SSH2: variants seen among roughly 807,000 people sequenced by gnomAD.
SSH2 encodes the protein protein phosphatase Slingshot homolog 2.
In SSH2, 37 loss-of-function variants were observed where a neutral mutation model predicts 135.2. That is an observed-to-expected ratio of 0.27 (90% CI 0.21 to 0.36). SSH2 has a LOEUF of 0.36. SSH2 is among the 10% of genes least tolerant of loss of function. SSH2 has a pLI of 1.00. For synonymous variants in SSH2, 628 were observed against 646.2 expected, an observed-to-expected ratio of 0.97 and a Z score of 0.43; for missense variants, 1,408 against 1,765.3, an observed-to-expected ratio of 0.80 and a Z score of 3.63.
chr17:29,816,728 C>T (rs151304382), intron 2 of SSH2, among the ~76,000 whole-genome samples: 8 of 151,546 alleles, frequency 5.3e-5, no homozygotes, highest in African/African-American at 1.9e-4. Context: ...AGCCTCCATG[C>T]TTAATTTACG....
chr17:29,781,532 T>G (rs186867142), intron 3 of SSH2, among the ~76,000 whole-genome samples: 30 of 138,500 alleles, frequency 2.2e-4, no homozygotes. Flanking sequence ...CGGGCTAGAG[T>G]GCAATGGCGC....
chr17:29,662,364 A>G (rs2037084551), intron 11 of SSH2, among the ~76,000 whole-genome samples: 1 of 152,236 alleles, frequency 6.6e-6, no homozygotes, highest in African/African-American at 2.4e-5. Flanking sequence ...ATATAACTTG[A>G]CATAATATCC....
At chr17:29,903,855 G>A (rs769728748) in intron 1 of SSH2, among the ~76,000 whole-genome samples, 9 of 152,224 alleles carry the variant, frequency 5.9e-5, no homozygotes, top group Middle Eastern at 3.4e-3. Context: ...AATTGAAGGC[G>A]ATGCCAGAAA....
intron 1 of SSH2, among the ~76,000 whole-genome samples, chr17:29,876,125 A>G (rs929754261): frequency 6.6e-6 from 1 of 152,030 alleles, no homozygotes; most frequent in African/African-American, 2.4e-5. Flanking sequence ...ATTCACAGAA[A>G]TAGGAAAAAC....
chr17:29,633,595 C>G (rs2035778407), intron 15 of SSH2, among the ~76,000 whole-genome samples: 1 of 152,210 alleles, frequency 6.6e-6, no homozygotes, highest in South Asian at 2.1e-4. Context: ...TCACATGGTT[C>G]CTTCTGGGAA....
rs71360722 is a variant in SSH2, at chr17:29,815,123, ATTT to A, written c.145-21189_145-21187del. Among the ~76,000 whole-genome samples, 496 of 97,976 alleles carry A rather than the reference ATTT, an allele frequency of 5.1e-3. 3 individuals are homozygous for A. Among genetic ancestry groups the A allele is most frequent in the African/African-American group, 0.017 (428 of 24,846 alleles). 64.3% of individuals were successfully genotyped at this position (97,976 alleles called of 152,430 possible). A position where few individuals can be genotyped will look rare whatever the true frequency, so the allele number is the denominator to read the frequency against. ...ACCATCACACCTAGCTATTTTTTGT[ATTT>A]TTTTTTTTTTTTTTTTTGAGACAGA... On this transcript the variant is annotated intron_variant, in intron 2 of 15. Transcript: ENST00000540801.
chr17:29,782,045 C>A (rs2041853290), intron 3 of SSH2, among the ~76,000 whole-genome samples: 1 of 151,454 alleles, frequency 6.6e-6, no homozygotes, highest in South Asian at 2.1e-4. Flanking sequence ...GGGGTTTCAC[C>A]ATGTTGGCCA....
At chr17:29,917,787 G>A (rs1048370561) in intron 1 of SSH2, among the ~76,000 whole-genome samples, 6 of 151,948 alleles carry the variant, frequency 3.9e-5, no homozygotes, top group South Asian at 2.1e-4. Flanking sequence ...CTCAGGAAGC[G>A]GAGGTTGCAG....
chr17:29,926,677 G>A (rs2067072587), intron 1 of SSH2, among the ~76,000 whole-genome samples: 1 of 152,192 alleles, frequency 6.6e-6, no homozygotes, highest in Admixed American at 6.5e-5. Flanking sequence ...TAGTCCCTGT[G>A]CAGCCCTAGC....
At chr17:29,736,116 T>C (rs2040355197) in intron 3 of SSH2, among the ~76,000 whole-genome samples, 1 of 151,924 alleles carries the variant, frequency 6.6e-6, no homozygotes, top group South Asian at 2.1e-4. Flanking sequence ...AACAAAAAAA[T>C]TCTATATTAC....
At chr17:29,879,288 T>A (rs1183797311) in intron 1 of SSH2, among the ~76,000 whole-genome samples, 1 of 152,148 alleles carries the variant, frequency 6.6e-6, no homozygotes, top group Non-Finnish European at 1.5e-5. Flanking sequence ...GTGATAATTG[T>A]GAGAGGTAGA....
chr17:29,781,870 C>T (rs1366533583), intron 3 of SSH2, among the ~76,000 whole-genome samples: 7 of 151,630 alleles, frequency 4.6e-5, no homozygotes, highest in Non-Finnish European at 8.8e-5. Context: ...AACAGAGCCT[C>T]GCTTTGTCGC....
At chr17:29,843,671 A>G (rs1448826303) in intron 2 of SSH2, among the ~76,000 whole-genome samples, 2 of 152,218 alleles carry the variant, frequency 1.3e-5, no homozygotes, top group Admixed American at 6.5e-5. Context: ...AACTTAAAAC[A>G]TACAAGAACA....
At chr17:29,723,004 A>G (rs1007989603) in intron 3 of SSH2, among the ~76,000 whole-genome samples, 14 of 152,232 alleles carry the variant, frequency 9.2e-5, no homozygotes, top group Non-Finnish European at 1.9e-4. Flanking sequence ...ATGCTTTGCC[A>G]TCGGCAATGT....
At chr17:29,761,354 C>A (rs1220514672) in intron 3 of SSH2, 10 of 1,073,126 alleles carry the variant, frequency 9.3e-6, no homozygotes, top group Non-Finnish European at 1.1e-5. Context: ...TGCGCGTGCA[C>A]CCGGCGGCGG....
chr17:29,724,011 C>T lies in SSH2; in HGVS notation c.189-20949G>A, dbSNP rs377516209. 1.1e-4 allele frequency among the ~76,000 whole-genome samples: 16 copies of T among 152,256 alleles called. No individual in the cohort carries two copies. The South Asian group carries it at 3.3e-3, about 32-fold the overall frequency. On this transcript the variant is annotated intron_variant, in intron 3 of 15. Coordinates refer to ENST00000540801, the MANE Select transcript of SSH2 (RefSeq NM_001282129.2). The stretch of plus-strand genomic sequence containing the variant: ...TCAGGCACAGTAGCCTCTCTTAGGT[C>T]CTATATAAGCTCCTCTTCCTGAATT...
At chr17:29,742,470 C>T (rs2151209475) in intron 3 of SSH2, among the ~76,000 whole-genome samples, 1 of 145,718 alleles carries the variant, frequency 6.9e-6, no homozygotes, top group South Asian at 2.2e-4. Flanking sequence ...AGGTATGTGC[C>T]ACCACACCCA....
chr17:29,755,063 G>A (rs1257934786), intron 3 of SSH2, among the ~76,000 whole-genome samples: 1 of 152,202 alleles, frequency 6.6e-6, no homozygotes, highest in Non-Finnish European at 1.5e-5. Flanking sequence ...AGTATATAAT[G>A]ATAACACTAA....
At chr17:29,890,186 G>A (rs2151442971) in intron 1 of SSH2, among the ~76,000 whole-genome samples, 1 of 152,282 alleles carries the variant, frequency 6.6e-6, no homozygotes, top group East Asian at 1.9e-4. Flanking sequence ...AGGATGTGGA[G>A]TAATCAGAGC....
Sources: gnomAD v4.1 joint callset for allele counts (sites outside exome capture counted in the v4.1 genomes callset) on GRCh38, gnomAD v4.1.1 for gene constraint, MANE v1.5 for transcripts, NCBI Gene and HGNC (gene_info 2026-07-23, HGNC 2026-07-21) for gene names.